COL22A1: variants seen among roughly 807,000 people sequenced by gnomAD.
COL22A1 encodes collagen type XXII alpha 1 chain.
A neutral mutation model predicts 248.9 loss-of-function variants in COL22A1; 221 were observed. The observed-to-expected ratio is 0.89, with a 90% CI of 0.80 to 0.99. The LOEUF is 0.99. COL22A1 is among the 50% of genes least tolerant of loss of function. The probability of loss-of-function intolerance (pLI) is 0.00; values close to 1 mark genes in which losing one functional copy is unlikely to be tolerated. For missense variants in COL22A1, 2,240 were observed against 2,179.0 expected, an observed-to-expected ratio of 1.03 and a Z score of -0.56; for synonymous variants, 891 against 793.4, an observed-to-expected ratio of 1.12 and a Z score of -2.07.
At chr8:138,806,000 GTGTGTGA>G (rs1817594401) in intron 10 of COL22A1, among the ~76,000 whole-genome samples, 11 of 59,044 alleles carry the variant, frequency 1.9e-4, no homozygotes, top group South Asian at 5.6e-4. Flanking sequence ...GATGGTGTGT[GTGTGTGA>G]CGGTGTAGGT....
intron 3 of COL22A1, among the ~76,000 whole-genome samples, chr8:138,859,483 G>A (rs1222723304): frequency 2.0e-5 from 3 of 152,232 alleles, no homozygotes; most frequent in Admixed American, 6.5e-5. Context: ...GCATCCCTGA[G>A]GCAGCTTTGG....
rs138943684 is a variant in COL22A1 at position 138,784,015 on chromosome 8, A to G, written c.1597-3035T>C. On this transcript the variant is annotated intron_variant, in intron 12 of 64. Transcript: ENST00000303045. ...CCTCATCTAGGGTAAAACTGGGTCC[A>G]AGACAAAATGAACAAGGGCTGTTCA... Among the ~76,000 whole-genome samples, 11 of 152,328 alleles carry G rather than the reference A, an allele frequency of 7.2e-5. No individual in the cohort carries two copies. In the East Asian group the frequency reaches 1.9e-3, roughly 27 times the overall value.
chr8:138,591,704 T>C (rs567529369), intron 63 of COL22A1, among the ~76,000 whole-genome samples: 1 of 152,028 alleles, frequency 6.6e-6, no homozygotes, highest in African/African-American at 2.4e-5. Flanking sequence ...CAGCACACAC[T>C]CACATTCAGA....
chr8:138,901,358 G>T (rs1303228153), intron 1 of COL22A1, among the ~76,000 whole-genome samples: 2 of 131,518 alleles, frequency 1.5e-5, no homozygotes, highest in African/African-American at 2.8e-5. Context: ...TTACTGGCAG[G>T]TTTTTTTTTT....
chr8:138,752,748 T>A (rs1467023287), intron 21 of COL22A1, among the ~76,000 whole-genome samples: 1 of 152,200 alleles, frequency 6.6e-6, no homozygotes, highest in Non-Finnish European at 1.5e-5. Context: ...TATATTTTCC[T>A]CTCTCTGGGA....
intron 5 of COL22A1, among the ~76,000 whole-genome samples, chr8:138,827,499 T>G (rs768435965): frequency 1.5e-4 from 23 of 151,922 alleles, no homozygotes; most frequent in Non-Finnish European, 2.2e-4. Flanking sequence ...CAGCTTAGCT[T>G]ACGGTGCTTT....
At chr8:138,670,864 G>A (rs956980905) in intron 41 of COL22A1, among the ~76,000 whole-genome samples, 5 of 151,528 alleles carry the variant, frequency 3.3e-5, no homozygotes, top group Non-Finnish European at 7.4e-5. Context: ...AGGAGGCTGA[G>A]GTGGGAGGAT....
chr8:138,602,442 C>T (rs1258441530), intron 59 of COL22A1, among the ~76,000 whole-genome samples: 1 of 152,222 alleles, frequency 6.6e-6, no homozygotes, highest in Non-Finnish European at 1.5e-5. Flanking sequence ...ATAAACCCCA[C>T]TCCCTTTAAC....
rs545920521 is a variant in COL22A1 at position 138,771,844 on chromosome 8, G to A, written c.1803+4122C>T. 1.1e-4 allele frequency among the ~76,000 whole-genome samples: 17 copies of A among 152,242 alleles called. No homozygotes were observed. In the South Asian group the frequency reaches 2.5e-3, roughly 22 times the overall value. On this transcript the variant is annotated intron_variant, in intron 16 of 64. Coordinates refer to ENST00000303045, the MANE Select transcript of COL22A1 (RefSeq NM_152888.3). ...GTCCCAGTGGCAGACCTGGCCCCCC[G>A]GGGCCTGCGGAGAGCTCTTTGCTTC...
Position 138,821,283 on chromosome 8 carries a change from C to T in COL22A1, c.1098G>A (p.Lys366=). Reference sequence around the variant, plus strand: ...TCTGGGCCTGGATGCTCAGGGCCATCTTGTGCCAGTCCCGGTCAAAGAGGT... The same window carrying T: ...TCTGGGCCTGGATGCTCAGGGCCATTTTGTGCCAGTCCCGGTCAAAGAGGT... The part of the protein sequence containing the change: ...VNDLFDRDWH[K]MALSIQAQNV... Residue 366 remains lysine (K), a synonymous_variant, in exon 7 of 65, where the codon AAG becomes AAA. Coordinates refer to ENST00000303045, the MANE Select transcript of COL22A1 (RefSeq NM_152888.3). The T allele has an allele frequency of 1.2e-6, 2 of 1,614,198 alleles. No homozygotes were observed. Among genetic ancestry groups the T allele is most frequent in the Non-Finnish European group, 1.7e-6 (2 of 1,180,048 alleles).
chr8:138,701,128 G>A (rs1240259452), intron 31 of COL22A1, among the ~76,000 whole-genome samples: 1 of 152,166 alleles, frequency 6.6e-6, no homozygotes, highest in African/African-American at 2.4e-5. Context: ...AGACCTGCAG[G>A]TGTCTTTTAA....
At chr8:138,748,896 C>T (rs996216717) in intron 22 of COL22A1, among the ~76,000 whole-genome samples, 2 of 152,186 alleles carry the variant, frequency 1.3e-5, no homozygotes, top group Non-Finnish European at 2.9e-5. Context: ...ACCCAAATCT[C>T]ATCTTGACTC....
intron 12 of COL22A1, among the ~76,000 whole-genome samples, chr8:138,792,923 G>T (rs2131589424): frequency 6.6e-6 from 1 of 152,288 alleles, no homozygotes; most frequent in South Asian, 2.1e-4. Context: ...GTGACCTTGT[G>T]CAGGTCACTT....
In COL22A1 at chr8:138,607,420, A is replaced by T. The variant is rs529426541; in HGVS notation, c.4032+516T>A. Among the ~76,000 whole-genome samples, 3 of 152,144 alleles carry T rather than the reference A, an allele frequency of 2.0e-5. 1 individual carries two copies. The South Asian group carries it at 6.2e-4, about 32-fold the overall frequency. On this transcript the variant is annotated intron_variant, in intron 57 of 64. Coordinates refer to ENST00000303045, the MANE Select transcript of COL22A1 (RefSeq NM_152888.3). Reference sequence around the variant, plus strand: ...CCCCACCTACCAGGACTGAACCCCAAATCCTGTATTTGATATCTAGCTGAC... The same window carrying T: ...CCCCACCTACCAGGACTGAACCCCATATCCTGTATTTGATATCTAGCTGAC...
At chr8:138,649,600 C>A in intron 46 of COL22A1, 65 bp downstream of exon 46, 1 of 1,559,162 alleles carries the variant, frequency 6.4e-7, no homozygotes, top group Non-Finnish European at 8.7e-7. Context: ...TGGGGCAATA[C>A]TGAGATCTCC....
chr8:138,700,138 GGGAT>G lies in COL22A1; in HGVS notation c.2562_2565del (p.Ser855CysfsTer146), dbSNP rs768325266. 9 of 1,613,586 alleles carry G rather than the reference GGGAT, an allele frequency of 5.6e-6. No homozygotes were observed. Among genetic ancestry groups the G allele is most frequent in the Non-Finnish European group, 5.9e-6 (7 of 1,179,898 alleles). ...GGCATCCGTGGATGTGGTGTGAACA[GGGAT>G]GTCTGAAAAGGAAACCACAGAGATT... On this transcript the variant is annotated frameshift_variant and splice_region_variant, in exon 32 of 65. Coordinates refer to ENST00000303045, the MANE Select transcript of COL22A1 (RefSeq NM_152888.3). LOFTEE classifies it high-confidence loss of function.
At chr8:138,660,979 C>CACAT (rs1554736319) in intron 43 of COL22A1, among the ~76,000 whole-genome samples, 1 of 137,782 alleles carries the variant, frequency 7.3e-6, no homozygotes, top group African/African-American at 3.0e-5. Flanking sequence ...CACACATACA[C>CACAT]ACACACATAC....
In COL22A1 at chr8:138,688,927, C is replaced by T. The variant is rs145129003; in HGVS notation, c.2852G>A (p.Arg951His). Residue 951 changes from arginine (R) to histidine (H), a missense_variant, in exon 37 of 65, where the codon CGT becomes CAT. By Grantham distance (29) the Arg-to-His change is conservative. Transcript: ENST00000303045. ...LRGTPGKDGERGEKGAAGEEG... is the reference protein window; with the variant it reads ...LRGTPGKDGEHGEKGAAGEEG... ...TCATATTGGTCTTACCTTCTCACCA[C>T]GCTCCCCATCTTTCCCTGGGGTGCC... 145 of 1,613,114 alleles carry T rather than the reference C, an allele frequency of 9.0e-5. 1 individual carries two copies. The Admixed American group carries it at 2.1e-3, about 23-fold the overall frequency.
At chr8:138,788,648 G>C (rs1815755738) in intron 12 of COL22A1, among the ~76,000 whole-genome samples, 1 of 152,104 alleles carries the variant, frequency 6.6e-6, no homozygotes, top group Non-Finnish European at 1.5e-5. Flanking sequence ...CCTCCTCAGT[G>C]GGGAGGCTGA....
Sources: gnomAD v4.1 joint callset for allele counts (sites outside exome capture counted in the v4.1 genomes callset) on GRCh38, gnomAD v4.1.1 for gene constraint, MANE v1.5 for transcripts, NCBI Gene and HGNC (gene_info 2026-07-23, HGNC 2026-07-21) for gene names.